The following UBE3C variants were observed in gnomAD, a reference collection of about 807,000 sequenced individuals.
UBE3C encodes the protein ubiquitin protein ligase E3C.
In UBE3C, 42 loss-of-function variants were observed where a neutral mutation model predicts 129.4. The observed-to-expected ratio is 0.32, with a 90% CI of 0.25 to 0.42. The LOEUF is 0.42. UBE3C is among the 10% of genes least tolerant of loss of function. UBE3C has a pLI of 1.00. For synonymous variants in UBE3C, 510 were observed against 492.4 expected (o/e 1.04, Z -0.47); for missense variants, 1,049 against 1,319.1 (o/e 0.80, Z 3.17).
chr7:157,259,333 G>A lies in UBE3C; in HGVS notation c.3081+2289G>A, dbSNP rs150351494. Among the ~76,000 whole-genome samples the A allele has an allele frequency of 1.6e-4, 25 of 152,234 alleles. No individual in the cohort carries two copies. The East Asian group carries it at 4.6e-3, about 28-fold the overall frequency. ...CGTGCTCTTTAGTTTCCTTTCTTCT[G>A]TACCCCCATTTTCAAGGGGTGCAGG... is the stretch of plus-strand genomic sequence containing the variant. On this transcript the variant is annotated intron_variant, in intron 22 of 22. Transcript: ENST00000348165.
intron 1 of UBE3C, among the ~76,000 whole-genome samples, chr7:157,150,885 G>A (rs1282631392): frequency 1.3e-5 from 2 of 152,338 alleles, no homozygotes; most frequent in Non-Finnish European, 1.5e-5. Context: ...GTTCTGTGGG[G>A]CAGGCATCTG....
chr7:157,259,341 A>G (rs1405039968), intron 22 of UBE3C, among the ~76,000 whole-genome samples: 2 of 151,970 alleles, frequency 1.3e-5, no homozygotes, highest in African/African-American at 4.8e-5. Flanking sequence ...CTGTACCCCC[A>G]TTTTCAAGGG....
intron 10 of UBE3C, 43 bp downstream of exon 10, chr7:157,187,064 G>A (rs1479107926): frequency 1.3e-6 from 2 of 1,535,994 alleles, no homozygotes; most frequent in East Asian, 2.4e-5. Context: ...GCCAGCCAGA[G>A]AACATACCTT....
chr7:157,217,378 C>G (rs1032682542), intron 14 of UBE3C: 2 of 167,882 alleles, frequency 1.2e-5, no homozygotes, highest in African/African-American at 4.8e-5. Flanking sequence ...TCTCAAACTC[C>G]CAGCCTGAAG....
At chr7:157,178,144 C>T (rs950425669) in intron 5 of UBE3C, among the ~76,000 whole-genome samples, 31 of 152,172 alleles carry the variant, frequency 2.0e-4, no homozygotes, top group Admixed American at 6.5e-5. Context: ...GCGGCCTGCC[C>T]GACTGCTTGT....
chr7:157,168,351 A>G (rs1194509609), intron 2 of UBE3C, among the ~76,000 whole-genome samples: 2 of 145,422 alleles, frequency 1.4e-5, no homozygotes, highest in Non-Finnish European at 1.5e-5. Context: ...AAAAAAAAAA[A>G]GGTCCTACTA....
At chr7:157,182,999 G>A (rs1473852025) in intron 8 of UBE3C, among the ~76,000 whole-genome samples, 2 of 152,086 alleles carry the variant, frequency 1.3e-5, no homozygotes, top group African/African-American at 2.4e-5. Context: ...CACCCGCCTC[G>A]GCTTCCCACA....
intron 11 of UBE3C, among the ~76,000 whole-genome samples, chr7:157,205,459 G>A (rs1316913808): frequency 1.3e-5 from 2 of 152,084 alleles, no homozygotes; most frequent in Non-Finnish European, 2.9e-5. Context: ...GATTCTTGTC[G>A]GGGATAACAG....
At chr7:157,178,545 C>T in intron 5 of UBE3C, 145 bp from the exon 6 acceptor site, 1 of 793,176 alleles carries the variant, frequency 1.3e-6, no homozygotes, top group Non-Finnish European at 1.9e-6. Flanking sequence ...GGATGATTTC[C>T]CTGTCTATCT....
intron 1 of UBE3C, among the ~76,000 whole-genome samples, chr7:157,149,481 G>A (rs1046023926): frequency 2.0e-5 from 3 of 152,116 alleles, no homozygotes; most frequent in African/African-American, 7.2e-5. Flanking sequence ...GGTGAGTAAA[G>A]CACCATACAG....
rs773878846 is a variant in UBE3C, at chr7:157,267,958, A to G, written c.*203A>G. 76 of 460,706 alleles carry G rather than the reference A, an allele frequency of 1.6e-4. No individual in the cohort carries two copies. Among genetic ancestry groups the G allele is most frequent in the Non-Finnish European group, 2.5e-4 (67 of 266,084 alleles). The allele number at this position is 460,706 out of a possible 1,614,324, so 28.5% of individuals were successfully genotyped here. On this transcript the variant is annotated 3_prime_UTR_variant, in exon 23 of 23. Transcript: ENST00000348165. ...TTATTTAGATGGACATTGCTTTTCA[A>G]ATAACTTAAAATAACACGTTATGTG...
In UBE3C at chr7:157,207,715, G is replaced by GACA. The variant is rs751655679; in HGVS notation, c.1591_1593dup (p.Gln531dup). ...TTGTGTTTTTTAGTTGTAGGTCAAA[G>GACA]ACAATCATCAATGATGCCTTTTACT... On this transcript the variant is annotated inframe_insertion, in exon 13 of 23. Coordinates refer to ENST00000348165, the MANE Select transcript of UBE3C (RefSeq NM_014671.3). The GACA allele has an allele frequency of 1.2e-5, 20 of 1,613,148 alleles. No homozygotes were observed. The highest frequency in any genetic ancestry group is 1.6e-5 in the Non-Finnish European group (19 of 1,179,804).
In UBE3C at chr7:157,226,051, T is replaced by C. The variant is rs145586289; in HGVS notation, c.2233+512T>C. Among the ~76,000 whole-genome samples, 1,039 of 152,302 alleles carry C rather than the reference T, an allele frequency of 6.8e-3. 17 individuals are homozygous for C. Among genetic ancestry groups the C allele is most frequent in the South Asian group, 0.047 (227 of 4,824 alleles). Reference sequence around the variant, plus strand: ...AGAAGCCTTTAAAAAATATTAATTATTTTTAAAGGGCAAGAAAGTAACCAG... The same window carrying C: ...AGAAGCCTTTAAAAAATATTAATTACTTTTAAAGGGCAAGAAAGTAACCAG... On this transcript the variant is annotated intron_variant, in intron 17 of 22. Transcript: ENST00000348165.
intron 1 of UBE3C, among the ~76,000 whole-genome samples, chr7:157,152,085 G>T (rs960483162): frequency 7.9e-5 from 12 of 152,174 alleles, no homozygotes; most frequent in African/African-American, 2.9e-4. Flanking sequence ...GGGACAGCAT[G>T]GGCAAAGCTG....
At position 157,151,026 on chromosome 7, in the gene UBE3C, A is replaced by G. The variant is rs527542527; in HGVS notation, c.66+11688A>G. ...CCTCATGGCAGCTGGCCTCCCGCTA[A>G]GCTGCTGAGCAGACAGAGCAGGGAG... On this transcript the variant is annotated intron_variant, in intron 1 of 22. Coordinates refer to ENST00000348165, the MANE Select transcript of UBE3C (RefSeq NM_014671.3). Among the ~76,000 whole-genome samples, 5 of 152,290 alleles carry G rather than the reference A, an allele frequency of 3.3e-5. 1 individual carries two copies. The South Asian group carries it at 1.0e-3, about 32-fold the overall frequency.
At chr7:157,191,353 G>T (rs961748626) in intron 10 of UBE3C, among the ~76,000 whole-genome samples, 12 of 152,210 alleles carry the variant, frequency 7.9e-5, no homozygotes, top group African/African-American at 2.7e-4. Context: ...GTGCCGTGGC[G>T]TGATCTCAGC....
intron 19 of UBE3C, among the ~76,000 whole-genome samples, chr7:157,251,834 G>A (rs551134474): frequency 2.0e-5 from 3 of 151,220 alleles, no homozygotes; most frequent in South Asian, 4.2e-4. Context: ...TAGTGTAACC[G>A]TTTAAAAGTT....
At chr7:157,149,917 C>T (rs1041456219) in intron 1 of UBE3C, among the ~76,000 whole-genome samples, 1 of 152,182 alleles carries the variant, frequency 6.6e-6, no homozygotes, top group African/African-American at 2.4e-5. Flanking sequence ...TGTCTCAGGC[C>T]TCCAAATGCC....
intron 13 of UBE3C, 120 bp downstream of exon 13, chr7:157,208,055 CTTTTTTTTTTTTTTTTTTTTTTTTT>C (rs35366316): frequency 2.8e-4 from 26 of 93,644 alleles, no homozygotes; most frequent in South Asian, 5.6e-4. Flanking sequence ...ATTTGCAAGA[CTTTTTTTTTTTTTTTTTTTTTTTTT>C]TTTTTTTTTT....
Sources: gnomAD v4.1 joint callset for allele counts (sites outside exome capture counted in the v4.1 genomes callset) on GRCh38, gnomAD v4.1.1 for gene constraint, MANE v1.5 for transcripts, NCBI Gene and HGNC (gene_info 2026-07-23, HGNC 2026-07-21) for gene names.